The following CRYBG3 variants were observed in gnomAD, a reference collection of about 807,000 sequenced individuals.
The protein encoded by CRYBG3 is very large A-kinase anchor protein.
Under a neutral mutation model 244.2 loss-of-function variants are expected in CRYBG3, and 127 were observed. That is an observed-to-expected ratio of 0.52 (90% CI 0.45 to 0.60). The LOEUF is 0.60. CRYBG3 is among the 20% of genes least tolerant of loss of function. CRYBG3 has a pLI of 0.00. For synonymous variants in CRYBG3, 1,132 were observed against 1,195.8 expected (o/e 0.95, Z 1.10); for missense variants, 3,325 against 3,442.5 (o/e 0.97, Z 0.85).
At chr3:97,885,410 T>G (rs2039496534) in intron 7 of CRYBG3, among the ~76,000 whole-genome samples, 1 of 152,190 alleles carries the variant, frequency 6.6e-6, no homozygotes, top group African/African-American at 2.4e-5. Flanking sequence ...GCATATGCAT[T>G]TGAATCTCAC....
At position 97,877,082 on chromosome 3, in the gene CRYBG3, A is replaced by G. The variant is rs772555602; in HGVS notation, c.5888A>G (p.Lys1963Arg). The G allele has an allele frequency of 5.0e-6, 8 of 1,611,410 alleles. No individual in the cohort carries two copies. Among genetic ancestry groups the G allele is most frequent in the Non-Finnish European group, 6.8e-6 (8 of 1,178,572 alleles). Residue 1963 changes from lysine (K) to arginine (R), a missense_variant, in exon 4 of 22, where the codon AAA (lysine) becomes AGA (arginine). This residue lies in a region of CRYBG3 where 450 missense variants were observed against 424.1 expected (regional missense o/e 1.06). Transcript: ENST00000389622. ...GGGGATACCACAGTAAGACTAGACAAAAGAATGTCTCTTACTGCAATATAT... is the reference window on the plus strand; with the variant it reads ...GGGGATACCACAGTAAGACTAGACAGAAGAATGTCTCTTACTGCAATATAT... ...QPGDTTVRLDKRMSLTAIYDK... is the reference protein window; with the variant it reads ...QPGDTTVRLDRRMSLTAIYDK...
intron 6 of CRYBG3, 79 bp downstream of exon 6, chr3:97,880,179 T>G (rs767425484): frequency 2.8e-6 from 2 of 709,010 alleles, no homozygotes; most frequent in Admixed American, 2.8e-5. Context: ...TTTTTTTCTA[T>G]TTTTTATTGA....
rs1343081052 is a variant in CRYBG3 at position 97,877,598 on chromosome 3, A to C, written c.6404A>C (p.Lys2135Thr). 1 of 1,614,164 alleles carries C rather than the reference A, an allele frequency of 6.2e-7. No homozygotes were observed. The highest frequency in any genetic ancestry group is 2.2e-5 in the East Asian group (1 of 44,872). ...CTCCAGTCAGTGTCAGAACGTTTAA[A>C]GATGAATTTTGATGAAGATGACAGA... ...SLLQSVSERLKMNFDEDDREA... is the reference protein window; with the variant it reads ...SLLQSVSERLTMNFDEDDREA... Residue 2135 changes from lysine (K) to threonine (T), a missense_variant, in exon 4 of 22, where the codon AAG becomes ACG. By Grantham distance (78) the Lys-to-Thr change is moderately conservative. Transcript: ENST00000389622.
At chr3:97,842,548 A>G (rs1489161282) in intron 1 of CRYBG3, among the ~76,000 whole-genome samples, 2 of 152,016 alleles carry the variant, frequency 1.3e-5, no homozygotes, top group African/African-American at 4.8e-5. Flanking sequence ...GAACAAGACC[A>G]TCTCTAAAAA....
chr3:97,943,251 T>A lies in CRYBG3; in HGVS notation c.8850T>A (p.His2950Gln), dbSNP rs1457759808. The change falls in exon 22 of 22, where the codon CAT (histidine) becomes CAA (glutamine). Residue 2950 changes from histidine to glutamine, a missense_variant. His to Gln is a conservative substitution (Grantham distance 24). Around this residue, in one of 4 missense-constraint regions of CRYBG3, gnomAD observed 714 missense variants for 803.6 expected, o/e 0.89. Transcript: ENST00000389622. ...GAGGAAATTATTGTGACAAGACTCA[T>A]GTAATTGTAAATCAGCCCCTGGAGG... ...VKGGNYCDKT[H>Q]VIVNQPLEGE... is the part of the protein sequence containing the mutation. 6.3e-6 allele frequency: 10 copies of A among 1,587,632 alleles called. No homozygotes were observed. The East Asian group carries it at 2.2e-4, about 36-fold the overall frequency.
At chr3:97,906,879 G>T (rs2039781000) in intron 15 of CRYBG3, among the ~76,000 whole-genome samples, 1 of 149,778 alleles carries the variant, frequency 6.7e-6, no homozygotes, top group Admixed American at 6.6e-5. Flanking sequence ...ATTGGCTGTG[G>T]GTTTGTCATA....
rs1372121047 is a variant in CRYBG3, at chr3:97,875,680, TTGTC to T, written c.4489_4492del (p.Ser1497IlefsTer25). On this transcript the variant is annotated frameshift_variant, in exon 4 of 22. Transcript: ENST00000389622. LOFTEE classifies it high-confidence loss of function. Reference sequence around the variant, plus strand: ...TGCACCTGGTACATCTAAAAGCAGTTTGTCTGATAGCCTTGTATGTATATCTGAA... The same window carrying T: ...TGCACCTGGTACATCTAAAAGCAGTTTGATAGCCTTGTATGTATATCTGAA... The T allele has an allele frequency of 5.7e-6, 7 of 1,233,098 alleles. No individual in the cohort carries two copies. Among genetic ancestry groups the T allele is most frequent in the African/African-American group, 3.1e-5 (2 of 64,408 alleles). 76.4% of individuals were successfully genotyped at this position (1,233,098 alleles called of 1,614,324 possible). A position where few individuals can be genotyped will look rare whatever the true frequency, so the allele number is the denominator to read the frequency against.
At chr3:97,913,397 T>A (rs1181235786) in intron 16 of CRYBG3, among the ~76,000 whole-genome samples, 4 of 152,190 alleles carry the variant, frequency 2.6e-5, no homozygotes, top group Admixed American at 1.3e-4. Flanking sequence ...ATTTTTGACT[T>A]TGTGGGTTCC....
rs1261833894 is a variant in CRYBG3 at position 97,889,335 on chromosome 3, A to G, written c.7405-20A>G. Reference sequence around the variant, plus strand: ...TTAAATATTTACCTGTCTAATATTAAACTATCTTGTCATCTTAAGGGTGGA... The same window carrying G: ...TTAAATATTTACCTGTCTAATATTAGACTATCTTGTCATCTTAAGGGTGGA... On this transcript the variant is annotated intron_variant, in intron 9 of 21. Transcript: ENST00000389622. The G allele has an allele frequency of 6.3e-7, 1 of 1,578,466 alleles. No homozygotes were observed.
chr3:97,936,822 C>A lies in CRYBG3; in HGVS notation c.8419C>A (p.Gln2807Lys). 6.2e-7 allele frequency: 1 copy of A among 1,612,892 alleles called. No individual in the cohort carries two copies. The highest frequency in any genetic ancestry group is 2.2e-5 in the East Asian group (1 of 44,810). Residue 2807 changes from glutamine to lysine, a missense_variant, in exon 19 of 22, where the codon CAA becomes AAA. Physicochemically the swap from Gln to Lys is moderately conservative, Grantham distance 53. Coordinates refer to ENST00000389622, the MANE Select transcript of CRYBG3 (RefSeq NM_153605.4). ...AYEGSNFLGR[Q>K]ILLRPNEIPN... Reference sequence around the variant, plus strand: ...TGAAGGATCCAATTTCTTGGGAAGACAAATCCTACTCAGGCCTAATGAGAT... The same window carrying A: ...TGAAGGATCCAATTTCTTGGGAAGAAAAATCCTACTCAGGCCTAATGAGAT...
chr3:97,822,239 C>T lies in CRYBG3; in HGVS notation c.33C>T (p.Pro11=). Residue 11 remains proline, a synonymous_variant, in exon 1 of 22, where the codon CCC becomes CCT. Transcript: ENST00000389622. ...GCGGCCGCAGAAGGGGCAGCGCCCC[C>T]TGGCACAGCTTCTCCCGGTTCTTCG... is the stretch of plus-strand genomic sequence containing the variant. MSSGRRRGSA[P]WHSFSRFFAP... is the part of the protein sequence containing the mutation. 5.2e-6 allele frequency: 8 copies of T among 1,530,836 alleles called. No individual in the cohort carries two copies. The highest frequency in any genetic ancestry group is 7.0e-6 in the Non-Finnish European group (8 of 1,144,846). 94.8% of individuals were successfully genotyped at this position (1,530,836 alleles called of 1,614,324 possible). A position where few individuals can be genotyped will look rare whatever the true frequency, so the allele number is the denominator to read the frequency against.
rs2039402500 is a variant in CRYBG3 at position 97,878,006 on chromosome 3, A to G, written c.6812A>G (p.Asp2271Gly). 1.2e-6 allele frequency: 2 copies of G among 1,613,720 alleles called. No individual in the cohort carries two copies. The highest frequency in any genetic ancestry group is 2.7e-5 in the African/African-American group (2 of 74,916). Residue 2271 changes from aspartate (D) to glycine (G), a missense_variant, in exon 4 of 22, where the codon GAC (aspartate) becomes GGC (glycine). By Grantham distance (94) the Asp-to-Gly change is moderately conservative (BLOSUM62 -1). This residue lies in a region of CRYBG3 where 450 missense variants were observed against 424.1 expected (regional missense o/e 1.06). Transcript: ENST00000389622. ...GTGTCAAAATATTTCCGTGTTCAAG[A>G]CAGCCCAGGCAGATTGAGCCCATTT... ...EPVSKYFRVQ[D>G]SPGRLSPFIE... is the part of the protein sequence containing the mutation.
At chr3:97,908,861 G>T (rs557577607) in intron 15 of CRYBG3, among the ~76,000 whole-genome samples, 1 of 152,152 alleles carries the variant, frequency 6.6e-6, no homozygotes, top group East Asian at 1.9e-4. Context: ...GTTACATTTT[G>T]GCATGATTTT....
In CRYBG3 at chr3:97,841,260, G is replaced by A. The variant is rs908999452; in HGVS notation, c.150-1935G>A. ...TGTATATACATATATGTATATATGTGTATACACATATATGTACATATAGGT... is the reference window on the plus strand; with the variant it reads ...TGTATATACATATATGTATATATGTATATACACATATATGTACATATAGGT... On this transcript the variant is annotated intron_variant, in intron 1 of 21. Transcript: ENST00000389622. Among the ~76,000 whole-genome samples, 3 of 141,266 alleles carry A rather than the reference G, an allele frequency of 2.1e-5. No homozygotes were observed. In the South Asian group the frequency reaches 6.6e-4, roughly 31 times the overall value. 92.7% of individuals were successfully genotyped at this position (141,266 alleles called of 152,430 possible). A position where few individuals can be genotyped will look rare whatever the true frequency, so the allele number is the denominator to read the frequency against.
intron 15 of CRYBG3, among the ~76,000 whole-genome samples, chr3:97,910,701 C>T (rs191951453): frequency 1.8e-4 from 28 of 152,304 alleles, no homozygotes; most frequent in Non-Finnish European, 2.6e-4. Flanking sequence ...CAGAAATCAC[C>T]GTCTTCTGCG....
chr3:97,922,818 C>T (rs1207910415), intron 17 of CRYBG3, among the ~76,000 whole-genome samples: 1 of 152,076 alleles, frequency 6.6e-6, no homozygotes, highest in Admixed American at 6.5e-5. Context: ...TACCATTTGA[C>T]CCAGCAATCT....
At chr3:97,900,309 C>G (rs1229975377) in intron 14 of CRYBG3, 144 bp from the exon 15 acceptor site, 3 of 576,772 alleles carry the variant, frequency 5.2e-6, no homozygotes, top group Non-Finnish European at 9.5e-6. Context: ...GACTGTGCCA[C>G]TGTACCCCAG....
At chr3:97,892,756 TA>T (rs140453153) in intron 10 of CRYBG3, 103 bp from the exon 11 acceptor site, 503 of 556,634 alleles carry the variant, frequency 9.0e-4, no homozygotes, top group South Asian at 1.3e-3. Flanking sequence ...TCATATTAAT[TA>T]AAAAAAAATA....
intron 15 of CRYBG3, among the ~76,000 whole-genome samples, chr3:97,904,513 A>G (rs914554103): frequency 2.0e-5 from 3 of 152,138 alleles, no homozygotes; most frequent in Non-Finnish European, 4.4e-5. Context: ...CACTGGCAGT[A>G]TCAGTAGTCC....
Sources: gnomAD v4.1 joint callset for allele counts (sites outside exome capture counted in the v4.1 genomes callset) on GRCh38, gnomAD v4.1.1 for gene constraint, gnomAD v4.1.1 regional missense constraint, MANE v1.5 for transcripts, NCBI Gene and HGNC (gene_info 2026-07-23, HGNC 2026-07-21) for gene names.